The following WDR72 variants were observed in gnomAD, a reference collection of about 807,000 sequenced individuals.
WDR72 encodes WD repeat domain 72.
A neutral mutation model predicts 124.2 loss-of-function variants in WDR72; 120 were observed. That is an observed-to-expected ratio of 0.97 (90% CI 0.83 to 1.12). The LOEUF (loss-of-function observed/expected upper bound fraction) is 1.12. Among genes scored for constraint, WDR72 ranks in the 50% most tolerant of loss-of-function variants. The pLI is 0.00. For synonymous variants in WDR72, 452 were observed against 441.7 expected (o/e 1.02, Z -0.29); for missense variants, 1,387 against 1,278.8 (o/e 1.08, Z -1.29).
intron 14 of WDR72, among the ~76,000 whole-genome samples, chr15:53,623,502 T>A (rs909737767): frequency 1.4e-5 from 2 of 143,060 alleles, no homozygotes; most frequent in East Asian, 3.9e-4. Flanking sequence ...TATACACACA[T>A]ACACATACAC....
intron 13 of WDR72, among the ~76,000 whole-genome samples, chr15:53,668,948 AGGAGGAGGAGGAGAAGGAGG>A (rs1180748876): frequency 0.023 from 265 of 11,306 alleles, 1 homozygote; most frequent in African/African-American, 0.04. Flanking sequence ...GAGGAGGAGC[AGGAGGAGGAGGAGAAGGAGG>A]AGGAGGAGGA....
intron 13 of WDR72, among the ~76,000 whole-genome samples, chr15:53,688,970 T>C (rs1292886967): frequency 3.9e-5 from 6 of 152,188 alleles, no homozygotes; most frequent in South Asian, 2.1e-4. Flanking sequence ...GGGGAAAGGA[T>C]TCCCTATTTA....
intron 14 of WDR72, among the ~76,000 whole-genome samples, chr15:53,658,065 C>T (rs1044560685): frequency 2.0e-5 from 3 of 152,160 alleles, no homozygotes; most frequent in African/African-American, 7.2e-5. Flanking sequence ...CTGCTCAGTA[C>T]ACTTTAGATG....
intron 18 of WDR72, among the ~76,000 whole-genome samples, chr15:53,565,058 T>C (rs972296769): frequency 5.3e-5 from 8 of 151,738 alleles, no homozygotes; most frequent in Non-Finnish European, 1.0e-4. Context: ...AAAAAACACT[T>C]GATTCAATCC....
At chr15:53,610,574 A>G (rs1457127568) in intron 16 of WDR72, among the ~76,000 whole-genome samples, 1 of 113,214 alleles carries the variant, frequency 8.8e-6, no homozygotes, top group Non-Finnish European at 1.7e-5. Context: ...CATATGAGGT[A>G]TATATATATA....
intron 12 of WDR72, 44 bp from the exon 13 acceptor site, chr15:53,699,989 T>C: frequency 6.2e-7 from 1 of 1,611,182 alleles, no homozygotes; most frequent in East Asian, 2.2e-5. Context: ...AGTCAAATGC[T>C]TTCTTTATGA....
At chr15:53,692,350 A>C (rs1166232932) in intron 13 of WDR72, among the ~76,000 whole-genome samples, 2 of 152,198 alleles carry the variant, frequency 1.3e-5, no homozygotes. Flanking sequence ...ATTATTGAGC[A>C]CAATTAGAAT....
chr15:53,715,876 T>G (rs1383006832), intron 4 of WDR72, among the ~76,000 whole-genome samples: 1 of 152,222 alleles, frequency 6.6e-6, no homozygotes, highest in Non-Finnish European at 1.5e-5. Flanking sequence ...GCAACAATGC[T>G]GTATGTTAAA....
chr15:53,706,354 A>T (rs111755582), intron 9 of WDR72, among the ~76,000 whole-genome samples: 1 of 30,930 alleles, frequency 3.2e-5, no homozygotes, highest in Non-Finnish European at 6.0e-5. Flanking sequence ...GTGTGTGTAT[A>T]TATATATATA....
rs894493177 is a variant in WDR72, at chr15:53,732,896, T to C, written c.153+101A>G. ...TTTATTACTTTAATAAACATCTTTT[T>C]AACAATCATGCAAACCTTCCACTGT... On this transcript the variant is annotated intron_variant, in intron 2 of 19. Transcript: ENST00000360509. 8.6e-5 allele frequency: 121 copies of C among 1,407,224 alleles called. 2 individuals are homozygous for C. In the South Asian group the frequency reaches 1.4e-3, roughly 16 times the overall value. The allele number at this position is 1,407,224 out of a possible 1,614,324, so 87.2% of individuals were successfully genotyped here.
At chr15:53,595,208 T>C (rs2012713929) in intron 18 of WDR72, among the ~76,000 whole-genome samples, 1 of 152,142 alleles carries the variant, frequency 6.6e-6, no homozygotes, top group African/African-American at 2.4e-5. Context: ...GACTATTCAA[T>C]AATTAATCAA....
At chr15:53,601,097 G>T (rs767973619) in intron 17 of WDR72, among the ~76,000 whole-genome samples, 1 of 152,056 alleles carries the variant, frequency 6.6e-6, no homozygotes, top group Admixed American at 6.6e-5. Context: ...AATTGTTAAG[G>T]ACAGCTAGAG....
At chr15:53,654,140 A>C (rs1048482654) in intron 14 of WDR72, among the ~76,000 whole-genome samples, 4 of 152,196 alleles carry the variant, frequency 2.6e-5, no homozygotes, top group Admixed American at 6.5e-5. Context: ...GTTCATGCTG[A>C]ATGAAATTCA....
intron 18 of WDR72, among the ~76,000 whole-genome samples, chr15:53,559,544 A>G (rs1425247217): frequency 6.6e-6 from 1 of 152,008 alleles, no homozygotes. Context: ...TTCATTTACC[A>G]TAATAGCTCT....
chr15:53,668,861 T>C (rs1567015827), intron 13 of WDR72, among the ~76,000 whole-genome samples: 2 of 137,282 alleles, frequency 1.5e-5, no homozygotes, highest in Admixed American at 7.9e-5. Flanking sequence ...GCTGTGATCA[T>C]ACCACTGTAT....
In WDR72 at chr15:53,712,830, A is replaced by G. The variant is rs2017586070; in HGVS notation, c.653T>C (p.Ile218Thr). The change falls in exon 7 of 20, where the codon ATT becomes ACT. Residue 218 changes from isoleucine to threonine, a missense_variant. Coordinates refer to ENST00000360509, the MANE Select transcript of WDR72 (RefSeq NM_182758.4). The part of the protein sequence containing the change: ...KFLESLNCQT[I>T]RFCTYTERLL... ...TCTCTCAGTATATGTGCAAAATCGAATTGTCTGGCAGTTCAAGGACTCAAG... is the reference window on the plus strand; with the variant it reads ...TCTCTCAGTATATGTGCAAAATCGAGTTGTCTGGCAGTTCAAGGACTCAAG... 6.2e-7 allele frequency: 1 copy of G among 1,613,862 alleles called. No homozygotes were observed. The highest frequency in any genetic ancestry group is 8.5e-7 in the Non-Finnish European group (1 of 1,179,854).
intron 2 of WDR72, among the ~76,000 whole-genome samples, chr15:53,731,133 T>A (rs955759611): frequency 6.6e-6 from 1 of 152,122 alleles, no homozygotes; most frequent in Non-Finnish European, 1.5e-5. Flanking sequence ...ACAAAGCTGA[T>A]CCCATCCCCA....
intron 13 of WDR72, among the ~76,000 whole-genome samples, chr15:53,691,570 CT>C (rs2016841231): frequency 6.7e-6 from 1 of 148,944 alleles, no homozygotes; most frequent in Admixed American, 6.7e-5. Flanking sequence ...GCTCAGGTTT[CT>C]TTTTTATTAC....
intron 17 of WDR72, among the ~76,000 whole-genome samples, chr15:53,605,110 T>A (rs1438149188): frequency 1.3e-5 from 2 of 152,176 alleles, no homozygotes; most frequent in African/African-American, 2.4e-5. Context: ...AATGGTAGAC[T>A]GGATAAAGAA....
Sources: allele counts gnomAD v4.1 joint callset (sites outside exome capture counted in the v4.1 genomes callset), GRCh38; gene constraint gnomAD v4.1.1; transcripts MANE v1.5; gene names NCBI Gene and HGNC (gene_info 2026-07-23, HGNC 2026-07-21).